Variants in STOX2 observed in about 807,000 individuals in gnomAD.
The protein encoded by STOX2 is storkhead-box protein 2.
In STOX2, 28 loss-of-function variants were observed where a neutral mutation model predicts 60.9. The ratio of observed to expected loss-of-function variants is 0.46; its 90% CI spans 0.34 to 0.63. STOX2 has a LOEUF of 0.63. Among genes scored for constraint, STOX2 ranks in the 30% least tolerant of loss-of-function variants. The probability of loss-of-function intolerance (pLI) is 0.01; values close to 1 mark genes in which losing one functional copy is unlikely to be tolerated. For missense variants in STOX2, 1,024 were observed against 1,187.7 expected (o/e 0.86, Z 2.03); for synonymous variants, 472 against 463.9 (o/e 1.02, Z -0.22).
intron 1 of STOX2, among the ~76,000 whole-genome samples, chr4:183,899,507 G>A (rs936656441): frequency 6.6e-6 from 1 of 152,132 alleles, no homozygotes; most frequent in African/African-American, 2.4e-5. Context: ...ACTTAATGCT[G>A]GTATGGAGAA....
chr4:183,812,696 G>A (rs1204273280), intron 1 of STOX2, among the ~76,000 whole-genome samples: 2 of 152,186 alleles, frequency 1.3e-5, no homozygotes, highest in Admixed American at 1.3e-4. Flanking sequence ...TAAAAAAAAT[G>A]CTTTTACTTT....
At chr4:183,819,229 C>A (rs1455787320) in intron 1 of STOX2, among the ~76,000 whole-genome samples, 1 of 152,204 alleles carries the variant, frequency 6.6e-6, no homozygotes, top group Admixed American at 6.5e-5. Context: ...GCCGAGATCA[C>A]GCCGCTGCAC....
intron 2 of STOX2, among the ~76,000 whole-genome samples, chr4:184,003,734 T>TA (rs1277361749): frequency 2.6e-5 from 4 of 152,234 alleles, no homozygotes; most frequent in Admixed American, 6.5e-5. Flanking sequence ...GTCATATGGC[T>TA]AAAAGCCTAA....
rs535855103 is a variant in STOX2, at chr4:183,931,646, G to A, written c.166+24690G>A. 5.9e-5 allele frequency among the ~76,000 whole-genome samples: 9 copies of A among 152,260 alleles called. No individual in the cohort carries two copies. In the South Asian group the frequency reaches 1.2e-3, roughly 21 times the overall value. Reference sequence around the variant, plus strand: ...CACTATACCGTAAAGGTAGTGTGGCGCAAGGTGAATGTGAGTCTGTAGGGT... The same window carrying A: ...CACTATACCGTAAAGGTAGTGTGGCACAAGGTGAATGTGAGTCTGTAGGGT... On this transcript the variant is annotated intron_variant, in intron 1 of 3. Coordinates refer to ENST00000308497, the MANE Select transcript of STOX2 (RefSeq NM_020225.3).
intron 1 of STOX2, among the ~76,000 whole-genome samples, chr4:183,972,795 A>T (rs1579489688): frequency 6.6e-6 from 1 of 152,372 alleles, no homozygotes; most frequent in African/African-American, 2.4e-5. Context: ...TATGTGAAAG[A>T]ACAAGTAACA....
intron 3 of STOX2, among the ~76,000 whole-genome samples, chr4:184,013,545 G>A (rs994382370): frequency 6.6e-6 from 1 of 152,158 alleles, no homozygotes; most frequent in Admixed American, 6.6e-5. Flanking sequence ...TACAGTTAGA[G>A]AATCTACAGA....
At position 184,010,895 on chromosome 4, in the gene STOX2, C is replaced by T; in HGVS notation, c.2057C>T (p.Ala686Val). The change falls in exon 3 of 4, where the codon GCC becomes GTC. Residue 686 changes from alanine (A) to valine (V), a missense_variant. By Grantham distance (64) the Ala-to-Val change is moderately conservative. Around this residue, in one of 3 missense-constraint regions of STOX2, gnomAD observed 922 missense variants for 1,058.3 expected, o/e 0.87. Transcript: ENST00000308497. This position sits in a 1 kb window ranked among gnomAD's most constrained non-coding sequence, Gnocchi z 4.5. ...GGACGCCTCGTCCAGCACCATGGTG[C>T]CGAGCCCAGCAGCTTGGACAAGAGG... is the stretch of plus-strand genomic sequence containing the variant. ...ANGRLVQHHG[A>V]EPSSLDKRKE... The T allele has an allele frequency of 6.2e-7, 1 of 1,612,600 alleles. No homozygotes were observed. The highest frequency in any genetic ancestry group is 1.1e-5 in the South Asian group (1 of 90,816).
At chr4:183,990,578 A>ATTTTTTTTTTTTTTTT (rs57369052) in intron 1 of STOX2, among the ~76,000 whole-genome samples, 7 of 82,482 alleles carry the variant, frequency 8.5e-5, no homozygotes, top group East Asian at 4.2e-4. Context: ...AAAAAGCAGG[A>ATTTTTTTTTTTTTTTT]TTTTTTTTTT....
At chr4:183,815,403 C>T (rs1739132724) in intron 1 of STOX2, among the ~76,000 whole-genome samples, 1 of 152,052 alleles carries the variant, frequency 6.6e-6, no homozygotes, top group Non-Finnish European at 1.5e-5. Flanking sequence ...ATGATGATGA[C>T]ACTTAATAGC....
At chr4:183,940,111 C>T (rs949360486) in intron 1 of STOX2, among the ~76,000 whole-genome samples, 1 of 152,192 alleles carries the variant, frequency 6.6e-6, no homozygotes, top group African/African-American at 2.4e-5. Flanking sequence ...CCATGCTGGA[C>T]AGGCCGGCCT....
At chr4:183,969,318 A>G (rs1743670120) in intron 1 of STOX2, among the ~76,000 whole-genome samples, 1 of 152,368 alleles carries the variant, frequency 6.6e-6, no homozygotes, top group Admixed American at 6.5e-5. Flanking sequence ...TTTTTATTAT[A>G]GAAGAGCTTA....
rs1734398724 is a variant in STOX2 at position 184,016,960 on chromosome 4, T to C, written c.2586-129T>C. 5 of 730,548 alleles carry C rather than the reference T, an allele frequency of 6.8e-6. No individual in the cohort carries two copies. In the African/African-American group the frequency reaches 7.2e-5, roughly 10 times the overall value. 45.3% of individuals were successfully genotyped at this position (730,548 alleles called of 1,614,324 possible). On this transcript the variant is annotated intron_variant, in intron 3 of 3. Coordinates refer to ENST00000308497, the MANE Select transcript of STOX2 (RefSeq NM_020225.3). ...CAGATGTGAATAATCAGTCGAGATG[T>C]ATATTGATATGACATTATGAACCAA... is the stretch of plus-strand genomic sequence containing the variant.
At chr4:183,995,451 T>G (rs752158113) in intron 1 of STOX2, among the ~76,000 whole-genome samples, 3 of 152,000 alleles carry the variant, frequency 2.0e-5, no homozygotes, top group Non-Finnish European at 4.4e-5. Flanking sequence ...TTAAAATAAC[T>G]CCAACTAAAG....
chr4:183,961,026 C>T (rs1743396701), intron 1 of STOX2, among the ~76,000 whole-genome samples: 1 of 152,174 alleles, frequency 6.6e-6, no homozygotes, highest in Non-Finnish European at 1.5e-5. Flanking sequence ...TTCTCTGTGA[C>T]ACAGCGACTT....
chr4:183,947,418 C>T (rs915540860), intron 1 of STOX2, among the ~76,000 whole-genome samples: 24 of 152,106 alleles, frequency 1.6e-4, no homozygotes, highest in Admixed American at 1.3e-4. Flanking sequence ...TGGGGTGGGG[C>T]TGTCCTTTGC....
intron 2 of STOX2, among the ~76,000 whole-genome samples, chr4:184,006,563 A>G (rs1733835082): frequency 6.6e-6 from 1 of 151,462 alleles, no homozygotes; most frequent in Non-Finnish European, 1.5e-5. Flanking sequence ...AAATATAAAA[A>G]TTAGTCCCAG....
At position 183,914,820 on chromosome 4, in the gene STOX2, G is replaced by A. The variant is rs945763822; in HGVS notation, c.166+7864G>A. 2.6e-5 allele frequency among the ~76,000 whole-genome samples: 4 copies of A among 152,204 alleles called. No homozygotes were observed. In the East Asian group the frequency reaches 5.8e-4, roughly 22 times the overall value. ...GGTTAGGATTGCTTGGAGATTGTCC[G>A]CTTTCCTGTTCCTGAAAGTAAAGTG... is the stretch of plus-strand genomic sequence containing the variant. On this transcript the variant is annotated intron_variant, in intron 1 of 3. Coordinates refer to ENST00000308497, the MANE Select transcript of STOX2 (RefSeq NM_020225.3).
upstream of STOX2, among the ~76,000 whole-genome samples, chr4:183,902,293 A>C (rs1057270997): frequency 5.6e-4 from 85 of 152,358 alleles, no homozygotes; most frequent in African/African-American, 2.0e-3. Context: ...TATACCTTTC[A>C]ATTTAAGATT....
intron 1 of STOX2, among the ~76,000 whole-genome samples, chr4:183,977,546 C>CGTGTGTGTGTGTGTGT (rs56043761): frequency 0.033 from 4,835 of 147,840 alleles, 184 homozygotes; most frequent in African/African-American, 0.086. Flanking sequence ...CATTCCATTT[C>CGTGTGTGTGTGTGTGT]GTGTGTGTGT....
Sources: gnomAD v4.1 joint callset for allele counts (sites outside exome capture counted in the v4.1 genomes callset) on GRCh38, gnomAD v4.1.1 for gene constraint, gnomAD v4.1.1 regional missense constraint, Gnocchi (gnomAD v3.1) non-coding constraint, MANE v1.5 for transcripts, NCBI Gene and HGNC (gene_info 2026-07-23, HGNC 2026-07-21) for gene names.